The following EI24 variants were observed in gnomAD, a reference collection of about 807,000 sequenced individuals.
EI24 encodes the protein etoposide-induced protein 2.4 homolog.
EI24 carries 21 observed loss-of-function variants against 48.6 expected under a neutral mutation model. The observed-to-expected ratio is 0.43, with a 90% CI of 0.31 to 0.62. EI24 has a LOEUF of 0.62. Among genes scored for constraint, EI24 ranks in the 20% least tolerant of loss-of-function variants. The pLI is 0.10. For synonymous variants in EI24, 114 were observed against 145.5 expected, an observed-to-expected ratio of 0.78 and a Z score of 1.56; for missense variants, 280 against 410.5, an observed-to-expected ratio of 0.68 and a Z score of 2.75.
chr11:125,572,762 G>A (rs1213005912), intron 2 of EI24, among the ~76,000 whole-genome samples, 193 bp downstream of exon 2: 1 of 151,386 alleles, frequency 6.6e-6, no homozygotes, highest in African/African-American at 2.4e-5. Flanking sequence ...AGTCTTGCAG[G>A]TGCTTGGAAG....
In EI24 at chr11:125,583,611, C is replaced by CGTA; in HGVS notation, c.951_952insGTA (p.Ser317_Ser318insVal). On this transcript the variant is annotated inframe_insertion, in exon 11 of 11. Coordinates refer to ENST00000278903, the MANE Select transcript of EI24 (RefSeq NM_004879.5). ...TCTACCTGCAGTCGGCCCTGAGCAG[C>CGTA]TCTACTTCTGCAGAGAAGTTCCCTT... 6.2e-7 allele frequency: 1 copy of CGTA among 1,613,422 alleles called. No individual in the cohort carries two copies. The highest frequency in any genetic ancestry group is 8.5e-7 in the Non-Finnish European group (1 of 1,179,782).
chr11:125,582,658 T>C (rs916076566), intron 10 of EI24, among the ~76,000 whole-genome samples: 2 of 152,214 alleles, frequency 1.3e-5, no homozygotes, highest in Non-Finnish European at 2.9e-5. Context: ...AGTAGAGGGC[T>C]GTATGACCTG....
intron 5 of EI24, chr11:125,577,901 A>G: frequency 1.7e-6 from 1 of 592,294 alleles, no homozygotes; most frequent in South Asian, 2.1e-5. Flanking sequence ...ACCATCATGT[A>G]AGCAGGTTTG....
intron 4 of EI24, 61 bp downstream of exon 4, chr11:125,576,376 C>T (rs1189197596): frequency 1.4e-6 from 2 of 1,462,002 alleles, no homozygotes; most frequent in Admixed American, 1.8e-5. Flanking sequence ...GGGTTGATAG[C>T]TATGAACTGT....
At chr11:125,573,802 C>T (rs575095225) in intron 2 of EI24, among the ~76,000 whole-genome samples, 68 of 147,834 alleles carry the variant, frequency 4.6e-4, no homozygotes, top group African/African-American at 1.6e-3. Context: ...CTGCCTCAAC[C>T]TCCCAGGTAG....
Position 125,584,179 on chromosome 11 carries a change from G to C in EI24, c.*496G>C, listed in dbSNP as rs149952907. On this transcript the variant is annotated 3_prime_UTR_variant, in exon 11 of 11. Coordinates refer to ENST00000278903, the MANE Select transcript of EI24 (RefSeq NM_004879.5). ...GGTCACTCCCTTTATAGCCATTACT[G>C]TCTTGTTTCTTGTAACTCAGGTTAG... 8.1e-6 allele frequency: 1 copy of C among 123,196 alleles called. No individual in the cohort carries two copies. Among genetic ancestry groups the C allele is most frequent in the East Asian group, 2.7e-4 (1 of 3,754 alleles). 7.6% of individuals were successfully genotyped at this position (123,196 alleles called of 1,614,324 possible).
At chr11:125,572,626 G>T in intron 2 of EI24, 57 bp downstream of exon 2, 1 of 1,506,556 alleles carries the variant, frequency 6.6e-7, no homozygotes, top group Non-Finnish European at 9.2e-7. Flanking sequence ...TTTTGCTGAA[G>T]GAACCATCTA....
chr11:125,573,491 C>G, intron 2 of EI24: 1 of 362,810 alleles, frequency 2.8e-6, no homozygotes, highest in South Asian at 2.1e-5. Flanking sequence ...CAGCTGTAAT[C>G]TCAGCACTTT....
At chr11:125,574,625 GAAT>G (rs1331529226) in intron 2 of EI24, 1 of 152,182 alleles carries the variant, frequency 6.6e-6, no homozygotes, top group African/African-American at 2.4e-5. Context: ...ATTGCTTCCA[GAAT>G]AATTTTTTCT....
intron 2 of EI24, 63 bp from the exon 3 acceptor site, chr11:125,575,200 T>C (rs1938688284): frequency 3.5e-6 from 5 of 1,432,284 alleles, no homozygotes; most frequent in Non-Finnish European, 4.7e-6. Context: ...GCACTGTAGC[T>C]TGGGTGACAA....
At chr11:125,577,017 T>C (rs1938774833) in intron 4 of EI24, among the ~76,000 whole-genome samples, 1 of 152,202 alleles carries the variant, frequency 6.6e-6, no homozygotes, top group African/African-American at 2.4e-5. Context: ...TTTGTATCTC[T>C]CAATTGGAGT....
chr11:125,583,550 T>C lies in EI24; in HGVS notation c.890T>C (p.Val297Ala), dbSNP rs776697971. ...YLFQLRLFSL[V>A]VFLSNRLFHK... is the part of the protein sequence containing the mutation. ...TTCCAGTTGCGCCTCTTCTCCTTGGTGGTCTTCTTAAGCAACAGACTCTTC... is the reference window on the plus strand; with the variant it reads ...TTCCAGTTGCGCCTCTTCTCCTTGGCGGTCTTCTTAAGCAACAGACTCTTC... The change falls in exon 11 of 11, where the codon GTG becomes GCG. Residue 297 changes from valine (V) to alanine (A), a missense_variant. By Grantham distance (64) the Val-to-Ala change is moderately conservative (BLOSUM62 0). Transcript: ENST00000278903. 3 of 1,606,314 alleles carry C rather than the reference T, an allele frequency of 1.9e-6. No homozygotes were observed. The highest frequency in any genetic ancestry group is 2.6e-6 in the Non-Finnish European group (3 of 1,176,138).
At chr11:125,581,369 T>G (rs748036023) in intron 9 of EI24, 47 bp downstream of exon 9, 2 of 1,315,834 alleles carry the variant, frequency 1.5e-6, no homozygotes, top group South Asian at 2.4e-5. Flanking sequence ...AAATAAAAAT[T>G]CATGAAGTCA....
At position 125,580,196 on chromosome 11, in the gene EI24, T is replaced by C; in HGVS notation, c.665T>C (p.Phe222Ser). ...YSLYCFEYRW[F>S]NKGIEMHQRL... is the part of the protein sequence containing the mutation. ...CTGTACTGCTTTGAATATCGTTGGTTCAATAAAGGTAAGTCCATCTAAAGA... is the reference window on the plus strand; with the variant it reads ...CTGTACTGCTTTGAATATCGTTGGTCCAATAAAGGTAAGTCCATCTAAAGA... Residue 222 changes from phenylalanine to serine, a missense_variant, in exon 8 of 11, where the codon TTC (phenylalanine) becomes TCC (serine). Physicochemically the swap from Phe to Ser is radical, Grantham distance 155 (BLOSUM62 -2). Coordinates refer to ENST00000278903, the MANE Select transcript of EI24 (RefSeq NM_004879.5). 6.2e-7 allele frequency: 1 copy of C among 1,609,200 alleles called. No homozygotes were observed. Among genetic ancestry groups the C allele is most frequent in the Non-Finnish European group, 8.5e-7 (1 of 1,175,558 alleles).
chr11:125,582,263 G>C, intron 9 of EI24, 83 bp from the exon 10 acceptor site: 1 of 1,267,688 alleles, frequency 7.9e-7, no homozygotes. Flanking sequence ...GGAAGCAAAA[G>C]AACTTGGAGC....
intron 2 of EI24, among the ~76,000 whole-genome samples, chr11:125,574,309 G>A (rs908408947): frequency 6.6e-6 from 1 of 151,736 alleles, no homozygotes; most frequent in Non-Finnish European, 1.5e-5. Flanking sequence ...TTACATGTTT[G>A]TCTGCCCCAC....
At position 125,583,617 on chromosome 11, in the gene EI24, T is replaced by C; in HGVS notation, c.957T>C (p.Thr319=). 5.0e-6 allele frequency: 8 copies of C among 1,613,490 alleles called. No homozygotes were observed. The highest frequency in any genetic ancestry group is 6.8e-6 in the Non-Finnish European group (8 of 1,179,798). Residue 319 remains threonine (T), a synonymous_variant, in exon 11 of 11, where the codon ACT becomes ACC. Coordinates refer to ENST00000278903, the MANE Select transcript of EI24 (RefSeq NM_004879.5). ...VYLQSALSSS[T]SAEKFPSPHP... is the part of the protein sequence containing the mutation. The stretch of plus-strand genomic sequence containing the variant: ...TGCAGTCGGCCCTGAGCAGCTCTAC[T>C]TCTGCAGAGAAGTTCCCTTCACCGC...
intron 5 of EI24, 140 bp downstream of exon 5, chr11:125,577,710 A>C: frequency 1.4e-6 from 1 of 738,626 alleles, no homozygotes; most frequent in Non-Finnish European, 2.1e-6. Flanking sequence ...TTCTTTTTAA[A>C]AATTTATATT....
chr11:125,582,499 T>TAA, intron 10 of EI24, 79 bp downstream of exon 10: 22 of 938,596 alleles, frequency 2.3e-5, no homozygotes, highest in Admixed American at 1.0e-4. Flanking sequence ...TGAGGCTTTT[T>TAA]AAAAAAAAAA....
Sources: allele counts gnomAD v4.1 joint callset (sites outside exome capture counted in the v4.1 genomes callset), GRCh38; gene constraint gnomAD v4.1.1; transcripts MANE v1.5; gene names NCBI Gene and HGNC (gene_info 2026-07-23, HGNC 2026-07-21).